The following TNNC2 variants were observed in gnomAD, a reference collection of about 807,000 sequenced individuals.
TNNC2 encodes troponin C2, fast skeletal type.
A neutral mutation model predicts 20.0 loss-of-function variants in TNNC2; 14 were observed. That is an observed-to-expected ratio of 0.70 (90% confidence interval 0.46 to 1.09). The LOEUF is 1.09. TNNC2 is among the 50% of genes least tolerant of loss of function. The pLI, the probability that TNNC2 is intolerant of heterozygous loss-of-function variation, is 0.00. For synonymous variants in TNNC2, 81 were observed against 77.3 expected, an observed-to-expected ratio of 1.05 and a Z score of -0.25; for missense variants, 163 against 223.8, an observed-to-expected ratio of 0.73 and a Z score of 1.73.
upstream of TNNC2, among the ~76,000 whole-genome samples, chr20:45,830,088 A>G (rs1427098110): frequency 6.6e-6 from 1 of 151,590 alleles, no homozygotes; most frequent in African/African-American, 2.4e-5. Flanking sequence ...TAATCCCAGC[A>G]TTTTGGGAGG....
chr20:45,826,046 G>A (rs1277702307), intron 1 of TNNC2, among the ~76,000 whole-genome samples: 9 of 142,354 alleles, frequency 6.3e-5, no homozygotes, highest in African/African-American at 2.5e-4. Context: ...GTCAATTAGC[G>A]TGCCTTCATC....
intron 1 of TNNC2, among the ~76,000 whole-genome samples, chr20:45,825,383 C>T (rs1328302470): frequency 1.3e-5 from 2 of 152,174 alleles, no homozygotes; most frequent in Non-Finnish European, 2.9e-5. Context: ...CCTCCACCTC[C>T]TGGGTTCAAG....
At chr20:45,829,263 C>T (rs1983053118), upstream of TNNC2, among the ~76,000 whole-genome samples, 1 of 147,714 alleles carries the variant, frequency 6.8e-6, no homozygotes, top group African/African-American at 2.5e-5. Flanking sequence ...CTCTTGGGTT[C>T]AAGCAATTCT....
rs763547902 is a variant in TNNC2 at position 45,824,041 on chromosome 20, GAT to G, written c.399_400del (p.Glu133AspfsTer15). 2 of 1,614,108 alleles carry G rather than the reference GAT, an allele frequency of 1.2e-6. No individual in the cohort carries two copies. The highest frequency in any genetic ancestry group is 1.7e-6 in the Non-Finnish European group (2 of 1,180,006). On this transcript the variant is annotated frameshift_variant, in exon 5 of 6. Coordinates refer to ENST00000372555, the MANE Select transcript of TNNC2 (RefSeq NM_003279.3). LOFTEE classifies it high-confidence loss of function. ...GTTCTTGTCGCCGTCTTTCATCAGA[GAT>G]TCGATCTCCTCGTCCGTCACGTGCT... is the stretch of plus-strand genomic sequence containing the variant.
chr20:45,832,129 T>C (rs1380453171), upstream of TNNC2, among the ~76,000 whole-genome samples: 2 of 152,118 alleles, frequency 1.3e-5, no homozygotes, highest in Non-Finnish European at 2.9e-5. Context: ...CTGGCCAATA[T>C]GGTGAAACCC....
intron 4 of TNNC2, 48 bp downstream of exon 4, chr20:45,824,244 G>A (rs1245386560): frequency 3.5e-5 from 56 of 1,603,604 alleles, no homozygotes; most frequent in East Asian, 1.1e-4. Context: ...CTGCCGGCCG[G>A]GTTCTGACTG....
At chr20:45,830,289 TCATGCCACTGCTCTC>T (rs1983077009), upstream of TNNC2, among the ~76,000 whole-genome samples, 1 of 130,958 alleles carries the variant, frequency 7.6e-6, no homozygotes, top group Admixed American at 9.2e-5. Context: ...TGAGCCAAGA[TCATGCCACTGCTCTC>T]CAGCCTGGGC....
At chr20:45,827,845 C>A (rs940210134), upstream of TNNC2, among the ~76,000 whole-genome samples, 2 of 152,084 alleles carry the variant, frequency 1.3e-5, no homozygotes, top group Admixed American at 6.6e-5. Context: ...GGGTACACAG[C>A]GTTGGTGCTT....
intron 1 of TNNC2, among the ~76,000 whole-genome samples, chr20:45,825,973 T>G (rs1205450318): frequency 1.3e-5 from 2 of 152,090 alleles, no homozygotes; most frequent in African/African-American, 4.8e-5. Context: ...GCCCAAGGCC[T>G]TCTCACTTGT....
At position 45,823,465 on chromosome 20, in the gene TNNC2, C is replaced by CTTTTTG. The variant is rs1982863406; in HGVS notation, c.452-92_452-87dup. On this transcript the variant is annotated intron_variant, in intron 5 of 5. Coordinates refer to ENST00000372555, the MANE Select transcript of TNNC2 (RefSeq NM_003279.3). The surrounding 1 kb of genome is among the most constrained non-coding windows in gnomAD (Gnocchi z 4.6). ...GGCTCCAGCCACACAGAGGGGATGA[C>CTTTTTG]TTTTTGTTTTTGTTTTTGTTGAGAC... is the stretch of plus-strand genomic sequence containing the variant. The CTTTTTG allele has an allele frequency of 5.1e-6, 7 of 1,372,384 alleles. No homozygotes were observed. Among genetic ancestry groups the CTTTTTG allele is most frequent in the African/African-American group, 1.5e-5 (1 of 68,390 alleles). The allele number at this position is 1,372,384 out of a possible 1,614,324, so 85.0% of individuals were successfully genotyped here.
chr20:45,832,807 G>A (rs1056468717), intron 2 of TNNC2, among the ~76,000 whole-genome samples: 2 of 152,222 alleles, frequency 1.3e-5, no homozygotes, highest in Admixed American at 6.5e-5. Context: ...ACAAAGCTGG[G>A]GAGCCACTGA....
chr20:45,825,528 G>A (rs1283108956), intron 1 of TNNC2, among the ~76,000 whole-genome samples: 1 of 152,004 alleles, frequency 6.6e-6, no homozygotes, highest in Admixed American at 6.6e-5. Flanking sequence ...CTCACATCAG[G>A]TGATCCGCCC....
chr20:45,826,465 C>A (rs766459798), intron 1 of TNNC2, among the ~76,000 whole-genome samples: 3 of 152,188 alleles, frequency 2.0e-5, no homozygotes, highest in Non-Finnish European at 2.9e-5. Context: ...CAAGCCAGGC[C>A]ATCTGGGTCA....
chr20:45,833,160 AAGAAAGAGAG>A (rs1207743732), intron 2 of TNNC2: 1 of 109,774 alleles, frequency 9.1e-6, no homozygotes, highest in African/African-American at 3.2e-5. Flanking sequence ...GAAAGAAAGA[AAGAAAGAGAG>A]AGAGAGAAAG....
chr20:45,824,696 A>AACCCC, intron 2 of TNNC2, 58 bp from the exon 3 acceptor site: 11 of 1,385,638 alleles, frequency 7.9e-6, no homozygotes, highest in Non-Finnish European at 9.7e-6. Context: ...CCTCACACCT[A>AACCCC]CCCCCCCCCA....
intron 4 of TNNC2, 53 bp downstream of exon 4, chr20:45,824,239 G>C: frequency 6.2e-7 from 1 of 1,602,088 alleles, no homozygotes; most frequent in South Asian, 1.1e-5. Context: ...CAGCGCTGCC[G>C]GCCGGGTTCT....
At chr20:45,828,691 C>A (rs1464401052), upstream of TNNC2, among the ~76,000 whole-genome samples, 1 of 152,078 alleles carries the variant, frequency 6.6e-6, no homozygotes, top group Non-Finnish European at 1.5e-5. Flanking sequence ...CCACAAGGTG[C>A]AGGCTGGGCA....
chr20:45,824,700 C>CT, intron 2 of TNNC2, 62 bp from the exon 3 acceptor site: 2 of 1,564,004 alleles, frequency 1.3e-6, no homozygotes, highest in South Asian at 1.2e-5. Context: ...ACACCTACCC[C>CT]CCCCCAACCC....
chr20:45,825,613 GTTTGT>G (rs1207293020), intron 1 of TNNC2, among the ~76,000 whole-genome samples: 4 of 150,750 alleles, frequency 2.7e-5, no homozygotes, highest in Non-Finnish European at 5.9e-5. Flanking sequence ...TTTTTTGTTT[GTTTGT>G]TTTGTTTTGT....
Sources: allele counts gnomAD v4.1 joint callset (sites outside exome capture counted in the v4.1 genomes callset), GRCh38; gene constraint gnomAD v4.1.1; non-coding constraint Gnocchi (gnomAD v3.1); transcripts MANE v1.5; gene names NCBI Gene and HGNC (gene_info 2026-07-23, HGNC 2026-07-21).